ADAMTSL1: variants seen among roughly 807,000 people sequenced by gnomAD.
ADAMTSL1 encodes ADAMTS like 1, also known as ADAMTS-like protein 1.
ADAMTSL1 carries 126 observed loss-of-function variants against 201.8 expected under a neutral mutation model. The ratio of observed to expected loss-of-function variants is 0.62; its 90% CI spans 0.54 to 0.72. The LOEUF is 0.72. Among genes scored for constraint, ADAMTSL1 ranks in the 30% least tolerant of loss-of-function variants. The pLI, the probability that ADAMTSL1 is intolerant of heterozygous loss-of-function variation, is 0.00. For missense variants in ADAMTSL1, 2,679 were observed against 2,277.8 expected (o/e 1.18, Z -3.59); for synonymous variants, 1,121 against 903.4 (o/e 1.24, Z -4.32).
At chr9:18,877,128 A>G (rs754210844) in intron 23 of ADAMTSL1, among the ~76,000 whole-genome samples, 1 of 151,780 alleles carries the variant, frequency 6.6e-6, no homozygotes, top group Non-Finnish European at 1.5e-5. Context: ...TTCTCTGGAG[A>G]CTTTTCCATC....
At chr9:18,107,553 A>AT (rs749300891) in intron 1 of ADAMTSL1, among the ~76,000 whole-genome samples, 6 of 151,702 alleles carry the variant, frequency 4.0e-5, no homozygotes, top group East Asian at 1.9e-4. Flanking sequence ...AAATAACATG[A>AT]TTTTTTTTTA....
intron 2 of ADAMTSL1, among the ~76,000 whole-genome samples, chr9:18,418,236 A>G (rs1310263291): frequency 6.6e-6 from 1 of 152,178 alleles, no homozygotes; most frequent in Admixed American, 6.5e-5. Flanking sequence ...AACCAAACAA[A>G]CAAAAAGTCA....
At chr9:18,630,017 A>G (rs1370860411) in intron 5 of ADAMTSL1, among the ~76,000 whole-genome samples, 1 of 151,758 alleles carries the variant, frequency 6.6e-6, no homozygotes, top group Non-Finnish European at 1.5e-5. Context: ...GTGCCTCATT[A>G]TTTTTTGACT....
chr9:18,270,253 T>C (rs1006772695), intron 2 of ADAMTSL1, among the ~76,000 whole-genome samples: 2 of 152,108 alleles, frequency 1.3e-5, no homozygotes, highest in Admixed American at 6.6e-5. Context: ...CTGGGGTACC[T>C]TTTATAAGGA....
At chr9:18,411,344 A>T (rs1245109695) in intron 2 of ADAMTSL1, among the ~76,000 whole-genome samples, 1 of 151,500 alleles carries the variant, frequency 6.6e-6, no homozygotes, top group Middle Eastern at 3.4e-3. Flanking sequence ...TGGGACTACA[A>T]ACGTGCCACC....
intron 2 of ADAMTSL1, among the ~76,000 whole-genome samples, chr9:18,513,845 CTT>C (rs1818189447): frequency 6.6e-6 from 1 of 152,122 alleles, no homozygotes; most frequent in Non-Finnish European, 1.5e-5. Context: ...ACCAAGGTGT[CTT>C]TACACTGGCA....
intron 1 of ADAMTSL1, among the ~76,000 whole-genome samples, chr9:18,062,824 G>T (rs1822519591): frequency 6.6e-6 from 1 of 152,004 alleles, no homozygotes; most frequent in African/African-American, 2.4e-5. Context: ...CTGATTTATG[G>T]TTGGCTACTT....
In ADAMTSL1 at chr9:18,639,256, C is replaced by A; in HGVS notation, c.679C>A (p.Leu227Met). The change falls in exon 7 of 29, where the codon CTG becomes ATG. Residue 227 changes from leucine to methionine, a missense_variant and splice_region_variant. By Grantham distance (15) the Leu-to-Met change is conservative. Transcript: ENST00000380548. The stretch of plus-strand genomic sequence containing the variant: ...TCTTCACGTGTTTGATCATATAGAT[C>A]TGGAAACCAAAACCCTCCAGGGGAC... ...LVLKGPDHLY[L>M]ETKTLQGTKG... 1 of 1,612,594 alleles carries A rather than the reference C, an allele frequency of 6.2e-7. No homozygotes were observed. Among genetic ancestry groups the A allele is most frequent in the Non-Finnish European group, 8.5e-7 (1 of 1,179,024 alleles).
intron 2 of ADAMTSL1, among the ~76,000 whole-genome samples, chr9:18,356,148 G>T (rs760380229): frequency 6.6e-6 from 1 of 152,212 alleles, no homozygotes; most frequent in Non-Finnish European, 1.5e-5. Flanking sequence ...GGACATGGGG[G>T]TGTCTCCCTA....
chr9:18,520,501 T>C (rs1818627929), intron 2 of ADAMTSL1, among the ~76,000 whole-genome samples: 1 of 152,238 alleles, frequency 6.6e-6, no homozygotes, highest in African/African-American at 2.4e-5. Flanking sequence ...CTTTTAAGTC[T>C]AGTTCACAAG....
Position 18,123,315 on chromosome 9 carries a change from A to G in ADAMTSL1, c.88-40547A>G, listed in dbSNP as rs544459224. On this transcript the variant is annotated intron_variant, in intron 1 of 29. Coordinates refer to the ADAMTSL1 transcript ENST00000680146. ...TTATGTACAAATATGACTTGATTCAATACAATTTATTGTTTGGGTATAATT... is the reference window on the plus strand; with the variant it reads ...TTATGTACAAATATGACTTGATTCAGTACAATTTATTGTTTGGGTATAATT... 1.2e-4 allele frequency among the ~76,000 whole-genome samples: 19 copies of G among 152,320 alleles called. No individual in the cohort carries two copies. In the East Asian group the frequency reaches 1.3e-3, roughly 11 times the overall value.
chr9:17,925,820 C>G (rs1563899053), intron 1 of ADAMTSL1, among the ~76,000 whole-genome samples: 1 of 144,338 alleles, frequency 6.9e-6, no homozygotes, highest in African/African-American at 2.5e-5. Context: ...CTAACCTGCA[C>G]AATGTGCACA....
chr9:18,643,016 T>C (rs1827546523), intron 7 of ADAMTSL1, among the ~76,000 whole-genome samples: 1 of 152,036 alleles, frequency 6.6e-6, no homozygotes, highest in South Asian at 2.1e-4. Context: ...TACTGTTTTC[T>C]ACAATGGCTG....
intron 10 of ADAMTSL1, among the ~76,000 whole-genome samples, chr9:18,678,097 C>T (rs1830227121): frequency 6.6e-6 from 1 of 152,000 alleles, no homozygotes. Flanking sequence ...CATATCTGGA[C>T]ATAATATGAG....
intron 2 of ADAMTSL1, among the ~76,000 whole-genome samples, chr9:18,521,010 C>T (rs75234876): frequency 0.02 from 3,031 of 152,102 alleles, 40 homozygotes; most frequent in Non-Finnish European, 0.031. Context: ...TCCGCCTTTC[C>T]ACTGGTGGTT....
At chr9:18,453,440 C>A (rs917099914) in intron 2 of ADAMTSL1, among the ~76,000 whole-genome samples, 1 of 152,156 alleles carries the variant, frequency 6.6e-6, no homozygotes, top group Non-Finnish European at 1.5e-5. Context: ...ATCTCCTTAG[C>A]AAATGGTCAC....
chr9:18,511,530 T>G (rs1030058832), intron 2 of ADAMTSL1, among the ~76,000 whole-genome samples: 5 of 152,040 alleles, frequency 3.3e-5, no homozygotes, highest in Admixed American at 3.3e-4. Flanking sequence ...ACAAGTAAGA[T>G]TATAGTATTA....
At chr9:18,070,966 G>A (rs7028297) in intron 1 of ADAMTSL1, among the ~76,000 whole-genome samples, 81,805 of 152,018 alleles carry the variant, frequency 0.54, 22,185 homozygotes, top group African/African-American at 0.59. Context: ...TTAGGATCAG[G>A]TTCATGCTTG....
chr9:18,296,530 A>T (rs971414427), intron 2 of ADAMTSL1, among the ~76,000 whole-genome samples: 3 of 152,164 alleles, frequency 2.0e-5, no homozygotes, highest in Non-Finnish European at 2.9e-5. Flanking sequence ...TTAAATATGG[A>T]TGCATATACA....
Sources: allele counts gnomAD v4.1 joint callset (sites outside exome capture counted in the v4.1 genomes callset), GRCh38; gene constraint gnomAD v4.1.1; transcripts MANE v1.5; gene names NCBI Gene and HGNC (gene_info 2026-07-23, HGNC 2026-07-21).